Variants in SUPT3H observed in about 807,000 individuals in gnomAD.
SUPT3H encodes transcription initiation protein SPT3 homolog.
In SUPT3H, 44 loss-of-function variants were observed where a neutral mutation model predicts 44.3. The ratio of observed to expected loss-of-function variants is 0.99; its 90% CI spans 0.78 to 1.28. The LOEUF is 1.28. Among genes scored for constraint, SUPT3H ranks in the 50% most tolerant of loss-of-function variants. The pLI is 0.00. For synonymous variants in SUPT3H, 124 were observed against 125.6 expected (o/e 0.99, Z 0.09); for missense variants, 380 against 387.1 (o/e 0.98, Z 0.15).
At chr6:45,335,695 C>A (rs1788403421) in intron 2 of SUPT3H, among the ~76,000 whole-genome samples, 1 of 151,210 alleles carries the variant, frequency 6.6e-6, no homozygotes, top group South Asian at 2.1e-4. Context: ...GCATTTCATA[C>A]TAAGAACCTA....
chr6:44,893,145 A>C (rs1401937988), intron 10 of SUPT3H, among the ~76,000 whole-genome samples: 1 of 152,210 alleles, frequency 6.6e-6, no homozygotes, highest in Non-Finnish European at 1.5e-5. Context: ...GCATATGTAC[A>C]CACAGAAGGC....
At chr6:45,267,370 C>A (rs552285950) in intron 2 of SUPT3H, among the ~76,000 whole-genome samples, 71 of 152,316 alleles carry the variant, frequency 4.7e-4, no homozygotes, top group African/African-American at 1.4e-3. Context: ...ATATTTAATT[C>A]TCTCTCCCAT....
chr6:45,094,650 A>C (rs1302189100), intron 3 of SUPT3H, among the ~76,000 whole-genome samples: 2 of 152,120 alleles, frequency 1.3e-5, no homozygotes, highest in Non-Finnish European at 2.9e-5. Context: ...TGCCCATTTT[A>C]AAAACTAAGT....
intron 2 of SUPT3H, among the ~76,000 whole-genome samples, chr6:45,156,748 AAT>A (rs200535953): frequency 8.6e-5 from 13 of 150,968 alleles, no homozygotes; most frequent in Admixed American, 3.3e-4. Context: ...GTTTTCTCTT[AAT>A]ATATATATAT....
At chr6:44,893,930 G>A (rs992487395) in intron 10 of SUPT3H, among the ~76,000 whole-genome samples, 3 of 142,380 alleles carry the variant, frequency 2.1e-5, no homozygotes, top group African/African-American at 7.5e-5. Flanking sequence ...GGTGTGAGAT[G>A]GTATCTCATT....
intron 2 of SUPT3H, among the ~76,000 whole-genome samples, chr6:45,347,248 A>T (rs910496821): frequency 6.6e-6 from 1 of 152,282 alleles, no homozygotes; most frequent in African/African-American, 2.4e-5. Flanking sequence ...AGTAAATTAA[A>T]CTACAGTGAA....
intron 6 of SUPT3H, among the ~76,000 whole-genome samples, chr6:44,963,994 T>A (rs1419907260): frequency 7.0e-6 from 1 of 142,812 alleles, no homozygotes; most frequent in Non-Finnish European, 1.6e-5. Flanking sequence ...GGAGACTCCG[T>A]TTCAAAAAAA....
chr6:45,148,917 T>C (rs1439412483), intron 2 of SUPT3H, among the ~76,000 whole-genome samples: 1 of 152,168 alleles, frequency 6.6e-6, no homozygotes, highest in Non-Finnish European at 1.5e-5. Flanking sequence ...CAGGACTGAC[T>C]CTAAGTAGTG....
At chr6:44,890,884 C>A (rs1763195469) in intron 10 of SUPT3H, among the ~76,000 whole-genome samples, 1 of 150,358 alleles carries the variant, frequency 6.7e-6, no homozygotes, top group South Asian at 2.1e-4. Context: ...CTCAGCAAAC[C>A]AACACAGGAA....
At chr6:45,212,311 T>C (rs755338873) in intron 2 of SUPT3H, among the ~76,000 whole-genome samples, 12 of 152,226 alleles carry the variant, frequency 7.9e-5, no homozygotes, top group Non-Finnish European at 1.8e-4. Flanking sequence ...ACTTTTAGGG[T>C]TGGAATTTTA....
At chr6:44,921,513 CT>C (rs1768722467) in intron 10 of SUPT3H, among the ~76,000 whole-genome samples, 1 of 152,200 alleles carries the variant, frequency 6.6e-6, no homozygotes, top group Admixed American at 6.5e-5. Context: ...ACCCCTAATA[CT>C]TTCTTCTTTA....
intron 3 of SUPT3H, among the ~76,000 whole-genome samples, chr6:45,058,208 G>A (rs1791439484): frequency 1.3e-5 from 2 of 152,044 alleles, no homozygotes; most frequent in Non-Finnish European, 2.9e-5. Context: ...TAATCCATGT[G>A]AGATCAGAGC....
At chr6:45,134,655 T>G (rs1370099461) in intron 2 of SUPT3H, among the ~76,000 whole-genome samples, 1 of 152,156 alleles carries the variant, frequency 6.6e-6, no homozygotes, top group African/African-American at 2.4e-5. Context: ...CATTCTCATT[T>G]CCAAAGAGAG....
At chr6:44,846,456 A>G (rs1771885714) in intron 10 of SUPT3H, among the ~76,000 whole-genome samples, 1 of 152,190 alleles carries the variant, frequency 6.6e-6, no homozygotes, top group Non-Finnish European at 1.5e-5. Flanking sequence ...AGAGCCCTTC[A>G]ATAAAGCATG....
intron 10 of SUPT3H, among the ~76,000 whole-genome samples, chr6:44,904,003 A>G (rs144805886): frequency 2.6e-5 from 4 of 152,324 alleles, no homozygotes; most frequent in African/African-American, 7.2e-5. Flanking sequence ...AAAACTCTCA[A>G]TAAATTAGGT....
At chr6:45,169,185 A>T (rs12201005) in intron 2 of SUPT3H, among the ~76,000 whole-genome samples, 34,537 of 152,144 alleles carry the variant, frequency 0.23, 4,600 homozygotes, top group Non-Finnish European at 0.31. Context: ...GATGAGGGAA[A>T]ATATTAAGCC....
intron 10 of SUPT3H, among the ~76,000 whole-genome samples, chr6:44,838,513 G>A (rs1338462412): frequency 1.3e-5 from 2 of 152,112 alleles, no homozygotes; most frequent in African/African-American, 4.8e-5. Flanking sequence ...GAAGGGGATG[G>A]GTTCAGGGGA....
At chr6:45,367,358 T>G (rs759625907) in intron 1 of SUPT3H, among the ~76,000 whole-genome samples, 1 of 152,160 alleles carries the variant, frequency 6.6e-6, no homozygotes, top group Non-Finnish European at 1.5e-5. Flanking sequence ...TCGCTTTTTT[T>G]AAGCCTAAAT....
intron 2 of SUPT3H, among the ~76,000 whole-genome samples, chr6:45,288,463 ATTCAATAATGT>A (rs1440466162): frequency 6.6e-6 from 1 of 151,150 alleles, no homozygotes; most frequent in Non-Finnish European, 1.5e-5. Context: ...ATTATTATAA[ATTCAATAATGT>A]TTTAAAATGT....
Sources: gnomAD v4.1 joint callset for allele counts (sites outside exome capture counted in the v4.1 genomes callset) on GRCh38, gnomAD v4.1.1 for gene constraint, MANE v1.5 for transcripts, NCBI Gene and HGNC (gene_info 2026-07-23, HGNC 2026-07-21) for gene names.